The following SLCO4C1 variants were observed in gnomAD, a reference collection of about 807,000 sequenced individuals.
The protein encoded by SLCO4C1 is organic anion transporter M1.
In SLCO4C1, 58 loss-of-function variants were observed where a neutral mutation model predicts 72.1. The observed-to-expected ratio is 0.80, with a 90% CI of 0.65 to 1.00. SLCO4C1 has a LOEUF of 1.00. Among genes scored for constraint, SLCO4C1 ranks in the 50% least tolerant of loss-of-function variants. The pLI is 0.00. For synonymous variants in SLCO4C1, 297 were observed against 312.5 expected (o/e 0.95, Z 0.52); for missense variants, 898 against 857.9 (o/e 1.05, Z -0.58).
Position 102,247,265 on chromosome 5 carries a change from C to G in SLCO4C1, c.1798G>C (p.Val600Leu). ...CGTGCTACATACCTTAGGATAGACA[C>G]AGTTATAGGAGTACCGGCCATAAAG... ...FTFMAGTPIT[V>L]SILRCVNHRQ... is the part of the protein sequence containing the mutation. The change falls in exon 10 of 13, where the codon GTG becomes CTG. Residue 600 changes from valine to leucine, a missense_variant. Coordinates refer to ENST00000310954, the MANE Select transcript of SLCO4C1 (RefSeq NM_180991.5). The G allele has an allele frequency of 6.5e-7, 1 of 1,543,258 alleles. No homozygotes were observed.
chr5:102,256,902 T>C (rs1324632775), intron 8 of SLCO4C1, among the ~76,000 whole-genome samples: 1 of 152,180 alleles, frequency 6.6e-6, no homozygotes, highest in Non-Finnish European at 1.5e-5. Context: ...TATATGAAAG[T>C]TGCTCCTTAA....
Position 102,270,688 on chromosome 5 carries a change from A to C in SLCO4C1, c.738T>G (p.Leu246=). ...CAAGAAAGGCTGTTCCCAGAGTATA[A>C]AGAGGAGTTCCTCCTGCCCCCAGCA... ...QLLLGAGGTP[L]YTLGTAFLDD... The change falls in exon 3 of 13, where the codon CTT becomes CTG. Residue 246 remains leucine, a synonymous_variant. Coordinates refer to ENST00000310954, the MANE Select transcript of SLCO4C1 (RefSeq NM_180991.5). 6.2e-7 allele frequency: 1 copy of C among 1,613,382 alleles called. No homozygotes were observed. Among genetic ancestry groups the C allele is most frequent in the South Asian group, 1.1e-5 (1 of 91,028 alleles).
At chr5:102,256,220 A>C (rs1260844693) in intron 8 of SLCO4C1, among the ~76,000 whole-genome samples, 1 of 152,194 alleles carries the variant, frequency 6.6e-6, no homozygotes, top group African/African-American at 2.4e-5. Flanking sequence ...AAACAAAAAA[A>C]GAAAAAAATG....
At chr5:102,248,725 T>C (rs1278351795) in intron 9 of SLCO4C1, among the ~76,000 whole-genome samples, 1 of 152,168 alleles carries the variant, frequency 6.6e-6, no homozygotes, top group Non-Finnish European at 1.5e-5. Context: ...TTTTCTTTTA[T>C]ACCACAGTAT....
chr5:102,275,514 G>A lies in SLCO4C1; in HGVS notation c.620-4708C>T, dbSNP rs186243561. On this transcript the variant is annotated intron_variant, in intron 2 of 12. Coordinates refer to ENST00000310954, the MANE Select transcript of SLCO4C1 (RefSeq NM_180991.5). ...GGTCACCCTGCATAATTGGAGGCCA[G>A]GAAACTATGACATGAATGGTCATCA... is the stretch of plus-strand genomic sequence containing the variant. Among the ~76,000 whole-genome samples, 67 of 152,282 alleles carry A rather than the reference G, an allele frequency of 4.4e-4. 1 individual carries two copies. The highest frequency in any genetic ancestry group is 3.4e-3 in the Admixed American group (52 of 15,292).
intron 6 of SLCO4C1, among the ~76,000 whole-genome samples, chr5:102,259,582 A>G (rs1013347503): frequency 6.6e-6 from 1 of 152,148 alleles, no homozygotes; most frequent in Non-Finnish European, 1.5e-5. Flanking sequence ...GTAAAATTAT[A>G]AAGTCCTTTA....
At chr5:102,278,261 CAG>C in intron 2 of SLCO4C1, among the ~76,000 whole-genome samples, 1 of 152,088 alleles carries the variant, frequency 6.6e-6, no homozygotes, top group Admixed American at 6.5e-5. Flanking sequence ...TTACTTGACA[CAG>C]AGAGACATTA....
intron 10 of SLCO4C1, among the ~76,000 whole-genome samples, chr5:102,242,642 C>A (rs545883715): frequency 3.3e-5 from 5 of 152,166 alleles, no homozygotes; most frequent in African/African-American, 1.2e-4. Flanking sequence ...CCAGTCCTGA[C>A]AGCGTTCATA....
At chr5:102,239,500 C>T (rs1316270481) in intron 11 of SLCO4C1, 112 bp from the exon 12 acceptor site, 2 of 712,312 alleles carry the variant, frequency 2.8e-6, no homozygotes, top group African/African-American at 3.7e-5. Context: ...AAGTATTCAT[C>T]TGTCCACATG....
At chr5:102,288,289 T>C (rs1749492694) in intron 2 of SLCO4C1, among the ~76,000 whole-genome samples, 1 of 152,218 alleles carries the variant, frequency 6.6e-6, no homozygotes, top group South Asian at 2.1e-4. Context: ...TTCATTCTAA[T>C]TCTGTTCTAC....
Position 102,236,581 on chromosome 5 carries a change from C to CGTGTGT in SLCO4C1, c.*271_*276dup, listed in dbSNP as rs35918245. On this transcript the variant is annotated 3_prime_UTR_variant, in exon 13 of 13. Transcript: ENST00000310954. Reference sequence around the variant, plus strand: ...AATAGGAAATAAGTGTGTATGTGTGCGTGTGTGTGTGTGTGTGTGTGTTCG... The same window carrying CGTGTGT: ...AATAGGAAATAAGTGTGTATGTGTGCGTGTGTGTGTGTGTGTGTGTGTGTGTGTTCG... The CGTGTGT allele has an allele frequency of 5.7e-5, 15 of 262,418 alleles. No homozygotes were observed. Among genetic ancestry groups the CGTGTGT allele is most frequent in the Middle Eastern group, 1.2e-3 (1 of 826 alleles). The allele number at this position is 262,418 out of a possible 1,614,324, so 16.3% of individuals were successfully genotyped here. A position where few individuals can be genotyped will look rare whatever the true frequency, so the allele number is the denominator to read the frequency against.
chr5:102,294,322 A>G (rs958845935), intron 1 of SLCO4C1, among the ~76,000 whole-genome samples: 16 of 152,200 alleles, frequency 1.1e-4, no homozygotes, highest in Admixed American at 5.9e-4. Context: ...CTGGGATTAC[A>G]GGCGTGAGCC....
intron 11 of SLCO4C1, among the ~76,000 whole-genome samples, chr5:102,239,904 G>A (rs529853086): frequency 1.2e-4 from 18 of 151,862 alleles, no homozygotes; most frequent in Admixed American, 2.0e-4. Flanking sequence ...TTATATACCC[G>A]CCACCATTTC....
At chr5:102,290,362 A>G (rs1443365327) in intron 2 of SLCO4C1, among the ~76,000 whole-genome samples, 1 of 152,152 alleles carries the variant, frequency 6.6e-6, no homozygotes, top group Admixed American at 6.5e-5. Flanking sequence ...CTCTTTAACA[A>G]ACAGTTTTGT....
rs747089018 is a variant in SLCO4C1 at position 102,296,037 on chromosome 5, G to C, written c.226C>G (p.Arg76Gly). The C allele has an allele frequency of 6.2e-7, 1 of 1,614,246 alleles. No homozygotes were observed. Among genetic ancestry groups the C allele is most frequent in the South Asian group, 1.1e-5 (1 of 91,088 alleles). Residue 76 changes from arginine to glycine, a missense_variant, in exon 1 of 13, where the codon CGG (arginine) becomes GGG (glycine). Transcript: ENST00000310954. Reference protein sequence around the residue: ...APPNVSEEKLRSLSLSEFEEG... With the variant: ...APPNVSEEKLGSLSLSEFEEG... ...TCAAACTCGGACAGCGACAGTGACC[G>C]GAGCTTCTCTTCGGAGACATTGGGA...
At chr5:102,292,565 A>G (rs950494774) in intron 1 of SLCO4C1, among the ~76,000 whole-genome samples, 1 of 152,190 alleles carries the variant, frequency 6.6e-6, no homozygotes, top group African/African-American at 2.4e-5. Context: ...TAAAGTTACC[A>G]TGTAAAGGAT....
intron 2 of SLCO4C1, among the ~76,000 whole-genome samples, chr5:102,285,016 C>T (rs1198599820): frequency 1.3e-5 from 2 of 152,218 alleles, no homozygotes; most frequent in East Asian, 3.9e-4. Context: ...ACCTTTCTCT[C>T]TATATCCACA....
chr5:102,294,768 A>G (rs1749617170), intron 1 of SLCO4C1, among the ~76,000 whole-genome samples: 2 of 152,210 alleles, frequency 1.3e-5, no homozygotes, highest in African/African-American at 4.8e-5. Context: ...GTTACTTAGC[A>G]TCTAATGCGC....
intron 2 of SLCO4C1, among the ~76,000 whole-genome samples, chr5:102,283,741 A>C (rs1749398707): frequency 6.6e-6 from 1 of 152,078 alleles, no homozygotes; most frequent in Non-Finnish European, 1.5e-5. Flanking sequence ...GAGAATTGCT[A>C]ACATTTTAAC....
Sources: gnomAD v4.1 joint callset for allele counts (sites outside exome capture counted in the v4.1 genomes callset) on GRCh38, gnomAD v4.1.1 for gene constraint, MANE v1.5 for transcripts, NCBI Gene and HGNC (gene_info 2026-07-23, HGNC 2026-07-21) for gene names.